GLI2: variants seen among roughly 807,000 people sequenced by gnomAD.
GLI2 encodes GLI family zinc finger 2, also known as transcription activator GLI2.
In GLI2, 22 loss-of-function variants were observed where a neutral mutation model predicts 78.9. The ratio of observed to expected loss-of-function variants is 0.28; its 90% CI spans 0.20 to 0.40. The LOEUF (loss-of-function observed/expected upper bound fraction) is 0.40. GLI2 is among the 10% of genes least tolerant of loss of function. The pLI is 1.00. For missense variants in GLI2, 2,097 were observed against 2,213.2 expected (o/e 0.95, Z 1.05); for synonymous variants, 974 against 963.7 (o/e 1.01, Z -0.20).
At chr2:120,924,539 A>G (rs1015303804) in intron 2 of GLI2, among the ~76,000 whole-genome samples, 1 of 43,986 alleles carries the variant, frequency 2.3e-5, no homozygotes, top group African/African-American at 6.3e-5. Flanking sequence ...AAACATTTAG[A>G]AATACACACA....
At chr2:120,791,585 A>G (rs548793855) in intron 1 of GLI2, among the ~76,000 whole-genome samples, 2 of 152,332 alleles carry the variant, frequency 1.3e-5, no homozygotes, top group African/African-American at 4.8e-5. Flanking sequence ...TAAGTCTGTG[A>G]TCAAGGCAGG....
intron 2 of GLI2, among the ~76,000 whole-genome samples, chr2:120,841,848 GGTGTGTGTGTGTGTGTGT>G (rs555474895): frequency 2.3e-5 from 3 of 132,688 alleles, no homozygotes; most frequent in South Asian, 2.4e-4. Context: ...CAGTCTGGAG[GGTGTGTGTGTGTGTGTGT>G]GTGTGTGTGT....
intron 2 of GLI2, among the ~76,000 whole-genome samples, chr2:120,874,702 G>A (rs1042067977): frequency 2.3e-4 from 35 of 152,346 alleles, no homozygotes; most frequent in African/African-American, 8.2e-4. Flanking sequence ...TCAGGAGGAC[G>A]CAGGCAGCTC....
chr2:120,761,634 G>C lies in GLI2; in HGVS notation c.-31+25349G>C, dbSNP rs11898843. Among the ~76,000 whole-genome samples the C allele has an allele frequency of 7.6e-3, 1,158 of 152,250 alleles. 13 individuals are homozygous for C. The highest frequency in any genetic ancestry group is 0.026 in the African/African-American group (1,079 of 41,546). On this transcript the variant is annotated intron_variant, in intron 1 of 13. Coordinates refer to ENST00000361492, the MANE Select transcript of GLI2 (RefSeq NM_001374353.1). ...GGGTCTGGGGGGTCGGGGGTTGGGA[G>C]AGCACTTAGTCCCAGCCCGGGAGAG... is the stretch of plus-strand genomic sequence containing the variant.
chr2:120,821,510 A>C (rs2104748964), intron 2 of GLI2, among the ~76,000 whole-genome samples: 1 of 152,160 alleles, frequency 6.6e-6, no homozygotes, highest in African/African-American at 2.4e-5. Flanking sequence ...GGGCTTGTAA[A>C]CCAGCTCCTG....
Position 120,989,967 on chromosome 2 carries a change from C to A in GLI2, c.4002C>A (p.Phe1334Leu). 6.2e-7 allele frequency: 1 copy of A among 1,611,064 alleles called. No homozygotes were observed. The highest frequency in any genetic ancestry group is 8.5e-7 in the Non-Finnish European group (1 of 1,179,078). The part of the protein sequence containing the change: ...PSLLPARQPG[F>L]MEPQTGPMGV... ...TTCTGCCTGCCCGCCAGCCTGGCTT[C>A]ATGGAGCCCCAAACAGGCCCGATGG... Residue 1334 changes from phenylalanine (F) to leucine (L), a missense_variant, in exon 14 of 14, where the codon TTC (phenylalanine) becomes TTA (leucine). By Grantham distance (22) the Phe-to-Leu change is conservative. Around this residue, in one of 5 missense-constraint regions of GLI2, gnomAD observed 1,290 missense variants for 1,261.7 expected, o/e 1.02. Coordinates refer to ENST00000361492, the MANE Select transcript of GLI2 (RefSeq NM_001374353.1).
rs572878339 is a variant in GLI2, at chr2:120,989,121, C to T, written c.3156C>T (p.Tyr1052=). The T allele has an allele frequency of 6.2e-6, 10 of 1,612,800 alleles. No homozygotes were observed. Among genetic ancestry groups the T allele is most frequent in the African/African-American group, 4.0e-5 (3 of 74,940 alleles). The change falls in exon 14 of 14, where the codon TAC becomes TAT. Residue 1052 remains tyrosine (Y), a synonymous_variant. Transcript: ENST00000361492. ...DLVLPDDVVQ[Y]IKAHASGALD... ...TGCTTCCAGACGACGTGGTGCAGTA[C>T]ATCAAGGCGCACGCCAGTGGCGCTC...
chr2:120,876,877 C>A (rs1236676821), intron 2 of GLI2, among the ~76,000 whole-genome samples: 2 of 152,254 alleles, frequency 1.3e-5, no homozygotes, highest in African/African-American at 4.8e-5. Flanking sequence ...TTGCACGGCC[C>A]TTTCCGTGTC....
intron 1 of GLI2, 29 bp downstream of exon 1, chr2:120,736,314 G>A (rs1192655338): frequency 1.3e-5 from 2 of 152,014 alleles, no homozygotes; most frequent in African/African-American, 2.4e-5. Flanking sequence ...TCTTTTGCTT[G>A]CTTTTCGTGA....
rs1200911614 is a variant in GLI2 at position 120,989,737 on chromosome 2, G to A, written c.3772G>A (p.Ala1258Thr). Reference sequence around the variant, plus strand: ...CCCCCAATCCTGCAGCAACATGCCAGCCAAGCCAGGGCATCTGGGGCACCC... The same window carrying A: ...CCCCCAATCCTGCAGCAACATGCCAACCAAGCCAGGGCATCTGGGGCACCC... ...QFPQSCSNMPAKPGHLGHPQQ... is the reference protein window; with the variant it reads ...QFPQSCSNMPTKPGHLGHPQQ... Residue 1258 changes from alanine (A) to threonine (T), a missense_variant, in exon 14 of 14, where the codon GCC (alanine) becomes ACC (threonine). Around this residue, in one of 5 missense-constraint regions of GLI2, gnomAD observed 1,290 missense variants for 1,261.7 expected, o/e 1.02. Transcript: ENST00000361492. 1.2e-6 allele frequency: 2 copies of A among 1,613,000 alleles called. No homozygotes were observed. The highest frequency in any genetic ancestry group is 1.3e-5 in the African/African-American group (1 of 75,062).
intron 2 of GLI2, among the ~76,000 whole-genome samples, chr2:120,857,313 T>TTACCCATTTGCCCACCCACC (rs1325794504): frequency 9.3e-5 from 12 of 128,424 alleles, no homozygotes; most frequent in Non-Finnish European, 2.0e-4. Context: ...GCCCATCCAC[T>TTACCCATTTGCCCACCCACC]TACCCATTTG....
At chr2:120,786,797 A>G (rs139623354) in intron 1 of GLI2, among the ~76,000 whole-genome samples, 6 of 152,288 alleles carry the variant, frequency 3.9e-5, no homozygotes, top group Non-Finnish European at 4.4e-5. Context: ...TCCTGACCTA[A>G]GAGATAGCCT....
chr2:120,815,458 G>A (rs1028990586), intron 2 of GLI2, among the ~76,000 whole-genome samples: 4 of 152,124 alleles, frequency 2.6e-5, no homozygotes, highest in East Asian at 1.9e-4. Flanking sequence ...TGCCTGCCCC[G>A]CCAGCCCCCT....
chr2:120,962,042 G>A lies in GLI2; in HGVS notation c.643+6612G>A, dbSNP rs189445514. Among the ~76,000 whole-genome samples, 478 of 152,274 alleles carry A rather than the reference G, an allele frequency of 3.1e-3. 3 individuals carry two copies. The highest frequency in any genetic ancestry group is 2.5e-3 in the Non-Finnish European group (168 of 68,018). On this transcript the variant is annotated intron_variant, in intron 5 of 13. Transcript: ENST00000361492. ...AGGCCGTGGGGGGATCCCCAGCCCC[G>A]ATTCCATGCAAGTCCACCCACAGGT...
chr2:120,975,104 G>C lies in GLI2; in HGVS notation c.1312G>C (p.Val438Leu). The C allele has an allele frequency of 6.2e-7, 1 of 1,613,878 alleles. No homozygotes were observed. Among genetic ancestry groups the C allele is most frequent in the Non-Finnish European group, 8.5e-7 (1 of 1,180,022 alleles). ...TKEYDTQEQL[V>L]HHINNEHIHG... ...GGAGTACGACACCCAGGAGCAGCTG[G>C]TGCATGTAAGCTTTTGAACCCCAGC... Residue 438 changes from valine (V) to leucine (L), a missense_variant, in exon 9 of 14, where the codon GTG (valine) becomes CTG (leucine). By Grantham distance (32) the Val-to-Leu change is conservative. Transcript: ENST00000361492.
At chr2:120,850,725 C>A (rs1687367046) in intron 2 of GLI2, among the ~76,000 whole-genome samples, 1 of 152,182 alleles carries the variant, frequency 6.6e-6, no homozygotes, top group South Asian at 2.1e-4. Flanking sequence ...AAGAGGGCTG[C>A]AGCCCTGGTG....
At chr2:120,791,641 G>A (rs1009202546) in intron 1 of GLI2, among the ~76,000 whole-genome samples, 8 of 152,222 alleles carry the variant, frequency 5.3e-5, no homozygotes, top group African/African-American at 1.9e-4. Flanking sequence ...GCCTGGGTCT[G>A]TGTCCTTGTA....
intron 2 of GLI2, among the ~76,000 whole-genome samples, chr2:120,911,648 C>T (rs1678824272): frequency 1.3e-5 from 2 of 152,166 alleles, no homozygotes; most frequent in African/African-American, 2.4e-5. Flanking sequence ...TACTCCTCAC[C>T]TCCTCCATGC....
intron 2 of GLI2, among the ~76,000 whole-genome samples, chr2:120,871,539 C>T (rs1440369782): frequency 6.6e-6 from 1 of 152,222 alleles, no homozygotes; most frequent in African/African-American, 2.4e-5. Context: ...TGCACCGGAG[C>T]TGTCAGACCG....
Sources: gnomAD v4.1 joint callset for allele counts (sites outside exome capture counted in the v4.1 genomes callset) on GRCh38, gnomAD v4.1.1 for gene constraint, gnomAD v4.1.1 regional missense constraint, MANE v1.5 for transcripts, NCBI Gene and HGNC (gene_info 2026-07-23, HGNC 2026-07-21) for gene names.